ARHGEF28: variants seen among roughly 807,000 people sequenced by gnomAD.
The protein encoded by ARHGEF28 is 190 kDa guanine nucleotide exchange factor.
In ARHGEF28, 152 loss-of-function variants were observed where a neutral mutation model predicts 206.6. That is an observed-to-expected ratio of 0.74 (90% CI 0.64 to 0.84). The LOEUF (loss-of-function observed/expected upper bound fraction) is 0.84, where lower values mean the gene tolerates loss of function less well. ARHGEF28 is among the 40% of genes least tolerant of loss of function. ARHGEF28 has a pLI of 0.00. For missense variants in ARHGEF28, 2,028 were observed against 2,073.2 expected (o/e 0.98, Z 0.42); for synonymous variants, 763 against 776.4 (o/e 0.98, Z 0.29).
intron 30 of ARHGEF28, chr5:73,900,284 C>T (rs1230664913): frequency 1.3e-5 from 2 of 152,088 alleles, no homozygotes; most frequent in African/African-American, 4.8e-5. Context: ...TACAAACAAA[C>T]AGTGTCATAA....
At chr5:73,835,067 T>C (rs941954277) in intron 10 of ARHGEF28, 1 of 152,184 alleles carries the variant, frequency 6.6e-6, no homozygotes, top group Non-Finnish European at 1.5e-5. Flanking sequence ...ATTGGGATTT[T>C]CAGCTCCACC....
At chr5:73,776,004 G>A (rs1426989958) in intron 5 of ARHGEF28, among the ~76,000 whole-genome samples, 1 of 152,198 alleles carries the variant, frequency 6.6e-6, no homozygotes, top group Non-Finnish European at 1.5e-5. Context: ...ATTTGTGCAT[G>A]TTTTAATTTG....
In ARHGEF28 at chr5:73,909,516, G is replaced by T. The variant is rs759688455; in HGVS notation, c.4266G>T (p.Leu1422Phe). 6.2e-7 allele frequency: 1 copy of T among 1,606,410 alleles called. No individual in the cohort carries two copies. The highest frequency in any genetic ancestry group is 8.5e-7 in the Non-Finnish European group (1 of 1,176,528). The change falls in exon 34 of 36, where the codon TTG becomes TTT. Residue 1422 changes from leucine to phenylalanine, a missense_variant. Leu to Phe is a conservative substitution (Grantham distance 22, BLOSUM62 0). Around this residue, in one of 3 missense-constraint regions of ARHGEF28, gnomAD observed 803 missense variants for 768.0 expected, o/e 1.05. Coordinates refer to ENST00000513042, the MANE Select transcript of ARHGEF28 (RefSeq NM_001177693.2). ...ACTCTATCCTCCGAGGCGGCCCCTT[G>T]CAGGACCAGAAGTCTCGCGACGCGG... is the stretch of plus-strand genomic sequence containing the variant. ...LGHSILRGGP[L>F]QDQKSRDADR... is the part of the protein sequence containing the mutation.
At chr5:73,866,121 T>C in intron 18 of ARHGEF28, 108 bp downstream of exon 18, 4 of 1,002,926 alleles carry the variant, frequency 4.0e-6, no homozygotes, top group Non-Finnish European at 4.3e-6. Flanking sequence ...CAGTTATTTC[T>C]TCTTTCATAA....
At position 73,857,564 on chromosome 5, in the gene ARHGEF28, T is replaced by TACACAC. The variant is rs4066802; in HGVS notation, c.1791-74_1791-69dup. On this transcript the variant is annotated intron_variant, in intron 14 of 35. Transcript: ENST00000513042. Reference sequence around the variant, plus strand: ...AAATACATACACATACATATATGTGTACACACACACACACACACACACATA... The same window carrying TACACAC: ...AAATACATACACATACATATATGTGTACACACACACACACACACACACACACACATA... 281 of 1,193,668 alleles carry TACACAC rather than the reference T, an allele frequency of 2.4e-4. 1 individual carries two copies. The African/African-American group carries it at 2.9e-3, about 12-fold the overall frequency. 73.9% of individuals were successfully genotyped at this position (1,193,668 alleles called of 1,614,324 possible). A position where few individuals can be genotyped will look rare whatever the true frequency, so the allele number is the denominator to read the frequency against.
chr5:73,907,140 T>G (rs552170395), intron 33 of ARHGEF28, among the ~76,000 whole-genome samples: 19 of 152,344 alleles, frequency 1.2e-4, no homozygotes, highest in African/African-American at 3.1e-4. Flanking sequence ...TTGATGTTCT[T>G]AGCAATCAAT....
chr5:73,877,295 A>G (rs980041856), intron 22 of ARHGEF28, among the ~76,000 whole-genome samples: 8 of 149,986 alleles, frequency 5.3e-5, no homozygotes, highest in Admixed American at 4.6e-4. Flanking sequence ...TATTGCGTCT[A>G]TTTGATTCTT....
At chr5:73,815,262 C>A (rs760999022) in intron 9 of ARHGEF28, among the ~76,000 whole-genome samples, 4 of 150,558 alleles carry the variant, frequency 2.7e-5, no homozygotes, top group Non-Finnish European at 5.9e-5. Flanking sequence ...ATAGAAAATG[C>A]AGTCAAATGT....
intron 2 of ARHGEF28, among the ~76,000 whole-genome samples, chr5:73,709,158 A>G (rs1011230616): frequency 3.3e-5 from 5 of 152,188 alleles, no homozygotes; most frequent in African/African-American, 4.8e-5. Flanking sequence ...GCTACAGTCT[A>G]TGTTCCACTC....
intron 7 of ARHGEF28, among the ~76,000 whole-genome samples, chr5:73,793,707 G>A (rs1438943076): frequency 6.6e-6 from 1 of 151,952 alleles, no homozygotes; most frequent in Non-Finnish European, 1.5e-5. Context: ...TGGTTATTTC[G>A]ACAATAGCGG....
chr5:73,786,039 C>A (rs1016504905), intron 7 of ARHGEF28, among the ~76,000 whole-genome samples: 1 of 138,810 alleles, frequency 7.2e-6, no homozygotes, highest in Non-Finnish European at 1.5e-5. Flanking sequence ...ATACCAGCCA[C>A]TGTTCTTGGC....
At chr5:73,650,281 T>C (rs1456735763) in intron 1 of ARHGEF28, among the ~76,000 whole-genome samples, 139 of 9,428 alleles carry the variant, frequency 0.015, no homozygotes, top group South Asian at 0.071. Context: ...TTCTTTCTTT[T>C]TTTTTTTTTT....
intron 2 of ARHGEF28, among the ~76,000 whole-genome samples, chr5:73,729,132 G>A (rs916930439): frequency 3.3e-5 from 5 of 152,170 alleles, no homozygotes; most frequent in African/African-American, 7.2e-5. Context: ...GGCTGTGAGA[G>A]TTTAAGAGAC....
chr5:73,928,275 G>T (rs1365387404), intron 35 of ARHGEF28, among the ~76,000 whole-genome samples: 2 of 152,122 alleles, frequency 1.3e-5, no homozygotes, highest in Non-Finnish European at 2.9e-5. Flanking sequence ...AATTAGCCAG[G>T]CATGGTGGCA....
chr5:73,905,738 A>G lies in ARHGEF28; in HGVS notation c.4161+1333A>G, dbSNP rs367583484. The stretch of plus-strand genomic sequence containing the variant: ...ACTTTTGTATTATTAACAACACTGT[A>G]GAGGACATCCTTGTGTACTCATCTC... On this transcript the variant is annotated intron_variant, in intron 33 of 35. Coordinates refer to ENST00000513042, the MANE Select transcript of ARHGEF28 (RefSeq NM_001177693.2). Among the ~76,000 whole-genome samples the G allele has an allele frequency of 2.0e-5, 3 of 152,236 alleles. No homozygotes were observed. The East Asian group carries it at 5.8e-4, about 29-fold the overall frequency.
At position 73,901,173 on chromosome 5, in the gene ARHGEF28, C is replaced by T. The variant is rs532519439; in HGVS notation, c.3974-11C>T. 7.5e-6 allele frequency: 12 copies of T among 1,609,464 alleles called. No homozygotes were observed. Among genetic ancestry groups the T allele is most frequent in the Middle Eastern group, 1.7e-4 (1 of 5,904 alleles). ...GTCCTTTTTGTTTCTGTCTCGATGG[C>T]GTGCTTCCAGCATTAGTCACAGGAG... On this transcript the variant is annotated splice_polypyrimidine_tract_variant and intron_variant, in intron 30 of 35. Transcript: ENST00000513042.
At chr5:73,697,121 G>A (rs1223848290) in intron 2 of ARHGEF28, among the ~76,000 whole-genome samples, 1 of 152,210 alleles carries the variant, frequency 6.6e-6, no homozygotes, top group East Asian at 1.9e-4. Flanking sequence ...TCTTTTCGAG[G>A]TAGACAATTC....
intron 14 of ARHGEF28, among the ~76,000 whole-genome samples, chr5:73,854,520 G>C (rs1449204613): frequency 6.6e-6 from 1 of 152,094 alleles, no homozygotes; most frequent in African/African-American, 2.4e-5. Flanking sequence ...TTTTCAATCT[G>C]CATAGCAGGA....
At chr5:73,729,003 C>T (rs1750446245) in intron 2 of ARHGEF28, among the ~76,000 whole-genome samples, 1 of 152,194 alleles carries the variant, frequency 6.6e-6, no homozygotes, top group Non-Finnish European at 1.5e-5. Context: ...ATAAATATCA[C>T]TGCAGTCTGA....
Sources: gnomAD v4.1 joint callset for allele counts (sites outside exome capture counted in the v4.1 genomes callset) on GRCh38, gnomAD v4.1.1 for gene constraint, gnomAD v4.1.1 regional missense constraint, MANE v1.5 for transcripts, NCBI Gene and HGNC (gene_info 2026-07-23, HGNC 2026-07-21) for gene names.